FAM210A: variants seen among roughly 807,000 people sequenced by gnomAD.
FAM210A encodes family with sequence similarity 210 member A.
Under a neutral mutation model 25.3 loss-of-function variants are expected in FAM210A, and 13 were observed. That is an observed-to-expected ratio of 0.51 (90% CI 0.33 to 0.82). The LOEUF (loss-of-function observed/expected upper bound fraction) is 0.82, where lower values mean the gene tolerates loss of function less well. Among genes scored for constraint, FAM210A ranks in the 40% least tolerant of loss-of-function variants. The pLI is 0.02. For synonymous variants in FAM210A, 125 were observed against 118.7 expected, an observed-to-expected ratio of 1.05 and a Z score of -0.35; for missense variants, 319 against 323.2, an observed-to-expected ratio of 0.99 and a Z score of 0.10.
At chr18:13,699,271 C>T (rs1471440522) in intron 1 of FAM210A, among the ~76,000 whole-genome samples, 2 of 152,110 alleles carry the variant, frequency 1.3e-5, no homozygotes, top group African/African-American at 4.8e-5. Context: ...CTATATAATC[C>T]ATCTCCTTCA....
chr18:13,699,195 G>C (rs1204272448), intron 1 of FAM210A, among the ~76,000 whole-genome samples: 1 of 152,154 alleles, frequency 6.6e-6, no homozygotes, highest in Non-Finnish European at 1.5e-5. Flanking sequence ...AAAGTCTGTT[G>C]ACAGTACTTT....
At chr18:13,673,011 C>G (rs903091777) in intron 2 of FAM210A, among the ~76,000 whole-genome samples, 5 of 152,124 alleles carry the variant, frequency 3.3e-5, no homozygotes, top group Non-Finnish European at 7.4e-5. Flanking sequence ...TCTTTTATTT[C>G]CAGTTTCCTG....
chr18:13,716,217 G>A (rs1406246125), intron 1 of FAM210A, among the ~76,000 whole-genome samples: 1 of 152,170 alleles, frequency 6.6e-6, no homozygotes, highest in African/African-American at 2.4e-5. Context: ...ATAAAACAGT[G>A]TTAACTAAAT....
chr18:13,675,280 G>C (rs2043484958), intron 2 of FAM210A, among the ~76,000 whole-genome samples: 4 of 102,128 alleles, frequency 3.9e-5, no homozygotes, highest in African/African-American at 1.5e-4. Context: ...CCAGTTTCCT[G>C]ATTATTAACA....
At chr18:13,717,272 A>G (rs912031451) in intron 1 of FAM210A, among the ~76,000 whole-genome samples, 6 of 152,184 alleles carry the variant, frequency 3.9e-5, no homozygotes, top group Non-Finnish European at 8.8e-5. Context: ...TTAGTGCCCG[A>G]GATTAGTGCC....
At position 13,666,297 on chromosome 18, in the gene FAM210A, C is replaced by T. The variant is rs2043400643; in HGVS notation, c.*183G>A. On this transcript the variant is annotated 3_prime_UTR_variant, in exon 4 of 4. Transcript: ENST00000651643. ...TTCTTAAACTGGGTTCATTTCTTCC[C>T]TTGTAATAACACTGATTTTTCTAGT... is the stretch of plus-strand genomic sequence containing the variant. The T allele has an allele frequency of 1.7e-6, 1 of 587,480 alleles. No homozygotes were observed. The highest frequency in any genetic ancestry group is 1.9e-5 in the African/African-American group (1 of 53,588). The allele number at this position is 587,480 out of a possible 1,614,324, so 36.4% of individuals were successfully genotyped here. A position where few individuals can be genotyped will look rare whatever the true frequency, so the allele number is the denominator to read the frequency against.
At chr18:13,721,421 T>C (rs530098011) in intron 1 of FAM210A, among the ~76,000 whole-genome samples, 38 of 152,322 alleles carry the variant, frequency 2.5e-4, no homozygotes, top group African/African-American at 8.4e-4. Flanking sequence ...AAGATCAATC[T>C]GTTTTCTGCA....
At chr18:13,700,970 C>T (rs1488991977) in intron 1 of FAM210A, among the ~76,000 whole-genome samples, 1 of 152,162 alleles carries the variant, frequency 6.6e-6, no homozygotes, top group East Asian at 1.9e-4. Context: ...TATAAATCTC[C>T]CACCACGTGG....
At chr18:13,668,856 C>T (rs1377747752) in intron 3 of FAM210A, among the ~76,000 whole-genome samples, 1 of 152,138 alleles carries the variant, frequency 6.6e-6, no homozygotes, top group Non-Finnish European at 1.5e-5. Flanking sequence ...AAACATGGGA[C>T]CTATGGGACC....
rs774888776 is a variant in FAM210A at position 13,682,079 on chromosome 18, T to C, written c.-2A>G. Reference sequence around the variant, plus strand: ...AGTCCGTGGTACATTCCATTGCATTTTGAAGAGTGTTGATAGGTTTCAGCT... The same window carrying C: ...AGTCCGTGGTACATTCCATTGCATTCTGAAGAGTGTTGATAGGTTTCAGCT... On this transcript the variant is annotated 5_prime_UTR_variant, in exon 2 of 4. Coordinates refer to ENST00000651643, the MANE Select transcript of FAM210A (RefSeq NM_152352.4). The C allele has an allele frequency of 3.2e-6, 5 of 1,566,850 alleles. No homozygotes were observed. In the South Asian group the frequency reaches 6.0e-5, roughly 19 times the overall value.
At chr18:13,685,434 T>C (rs1568480822) in intron 1 of FAM210A, among the ~76,000 whole-genome samples, 1 of 152,144 alleles carries the variant, frequency 6.6e-6, no homozygotes, top group Admixed American at 6.5e-5. Context: ...ATAGGAAACA[T>C]TTGCCATCTA....
At chr18:13,721,891 C>T (rs1180345503) in intron 1 of FAM210A, among the ~76,000 whole-genome samples, 2 of 152,136 alleles carry the variant, frequency 1.3e-5, no homozygotes, top group East Asian at 3.9e-4. Context: ...CCAGTGCACA[C>T]TTACCCTGAT....
chr18:13,706,828 G>A lies in FAM210A; in HGVS notation c.-29+19501C>T, dbSNP rs530498582. On this transcript the variant is annotated intron_variant, in intron 1 of 3. Coordinates refer to ENST00000651643, the MANE Select transcript of FAM210A (RefSeq NM_152352.4). ...CCTATGAAGAAATACGTCAAATGTA[G>A]ATTATAAAAATTCCGTTGTAGGGGA... 2.6e-5 allele frequency among the ~76,000 whole-genome samples: 4 copies of A among 152,298 alleles called. No homozygotes were observed. The South Asian group carries it at 8.3e-4, about 32-fold the overall frequency.
intron 1 of FAM210A, among the ~76,000 whole-genome samples, chr18:13,703,910 A>C (rs1284204): frequency 0.046 from 6,985 of 152,304 alleles, 543 homozygotes; most frequent in African/African-American, 0.16. Context: ...AGGTTTCCTA[A>C]ATGCTTTAAG....
At chr18:13,679,227 C>T (rs1479537620) in intron 2 of FAM210A, among the ~76,000 whole-genome samples, 2 of 152,168 alleles carry the variant, frequency 1.3e-5, no homozygotes, top group African/African-American at 4.8e-5. Flanking sequence ...ATGTCAAATG[C>T]CCATCTTTCC....
chr18:13,717,972 C>G (rs889155442), intron 1 of FAM210A, among the ~76,000 whole-genome samples: 1 of 152,176 alleles, frequency 6.6e-6, no homozygotes, highest in African/African-American at 2.4e-5. Flanking sequence ...CACCAGTCAA[C>G]AGGAAGAAGA....
At position 13,682,113 on chromosome 18, in the gene FAM210A, G is replaced by C; in HGVS notation, c.-28-8C>G. 6.6e-7 allele frequency: 1 copy of C among 1,511,314 alleles called. No homozygotes were observed. Among genetic ancestry groups the C allele is most frequent in the Non-Finnish European group, 8.9e-7 (1 of 1,129,050 alleles). 93.6% of individuals were successfully genotyped at this position (1,511,314 alleles called of 1,614,324 possible). A position where few individuals can be genotyped will look rare whatever the true frequency, so the allele number is the denominator to read the frequency against. Reference sequence around the variant, plus strand: ...GTTGATAGGTTTCAGCTTCTACAAAGACAATTTTTCAAAAAAATTAGGTAA... The same window carrying C: ...GTTGATAGGTTTCAGCTTCTACAAACACAATTTTTCAAAAAAATTAGGTAA... On this transcript the variant is annotated splice_region_variant and splice_polypyrimidine_tract_variant and intron_variant, in intron 1 of 3. Transcript: ENST00000651643.
At chr18:13,689,402 G>A (rs2043623991) in intron 1 of FAM210A, among the ~76,000 whole-genome samples, 1 of 152,176 alleles carries the variant, frequency 6.6e-6, no homozygotes, top group Admixed American at 6.5e-5. Flanking sequence ...ATATGAATTG[G>A]TGGGGCAGCA....
Position 13,663,884 on chromosome 18 carries a change from C to T in FAM210A, c.*2596G>A, listed in dbSNP as rs2043379643. 6.6e-6 allele frequency: 1 copy of T among 152,136 alleles called. No homozygotes were observed. The highest frequency in any genetic ancestry group is 2.4e-5 in the African/African-American group (1 of 41,420). The allele number at this position is 152,136 out of a possible 1,614,324, so 9.4% of individuals were successfully genotyped here. A position where few individuals can be genotyped will look rare whatever the true frequency, so the allele number is the denominator to read the frequency against. On this transcript the variant is annotated 3_prime_UTR_variant, in exon 4 of 4. Transcript: ENST00000651643. The stretch of plus-strand genomic sequence containing the variant: ...CACAGGGCTGCTTCTGCCGAGCACT[C>T]GCAGTTCACAGAGGTTATAGGTGAA...
Sources: gnomAD v4.1 joint callset for allele counts (sites outside exome capture counted in the v4.1 genomes callset) on GRCh38, gnomAD v4.1.1 for gene constraint, MANE v1.5 for transcripts, NCBI Gene and HGNC (gene_info 2026-07-23, HGNC 2026-07-21) for gene names.